The following USP48 variants were observed in gnomAD, a reference collection of about 807,000 sequenced individuals.
USP48 encodes the protein ubiquitin carboxyl-terminal hydrolase 48.
USP48 carries 43 observed loss-of-function variants against 150.7 expected under a neutral mutation model. The ratio of observed to expected loss-of-function variants is 0.29; its 90% CI spans 0.22 to 0.37. USP48 has a LOEUF of 0.37. Ranked by LOEUF, USP48 falls within the 10% of genes least tolerant of loss-of-function variation. USP48 has a pLI of 1.00. For synonymous variants in USP48, 396 were observed against 425.9 expected, an observed-to-expected ratio of 0.93 and a Z score of 0.86; for missense variants, 813 against 1,249.6, an observed-to-expected ratio of 0.65 and a Z score of 5.27.
At chr1:21,706,089 GT>G in intron 18 of USP48, 36 bp downstream of exon 18, 1 of 1,599,196 alleles carries the variant, frequency 6.3e-7, no homozygotes, top group Non-Finnish European at 8.6e-7. Flanking sequence ...AACCAAATCA[GT>G]AACAATAAAG....
chr1:21,724,136 A>G (rs572396307), intron 11 of USP48, 41 bp from the exon 12 acceptor site: 1 of 1,591,520 alleles, frequency 6.3e-7, no homozygotes, highest in Admixed American at 1.7e-5. Context: ...GTATTTTTAC[A>G]GTTTTTTGAC....
At chr1:21,686,337 T>C (rs1014655841) in intron 25 of USP48, 2 of 152,220 alleles carry the variant, frequency 1.3e-5, no homozygotes, top group African/African-American at 4.8e-5. Flanking sequence ...ATATGGCCTT[T>C]ATTATATTGA....
chr1:21,718,858 C>T (rs1407035201), intron 14 of USP48, among the ~76,000 whole-genome samples: 1 of 151,708 alleles, frequency 6.6e-6, no homozygotes, highest in Non-Finnish European at 1.5e-5. Context: ...ATATTTAACA[C>T]TAAGTCACAT....
intron 1 of USP48, among the ~76,000 whole-genome samples, chr1:21,765,901 C>CAAAAAAAAAAAAAAAAAAAAAA (rs199539331): frequency 1.8e-5 from 2 of 112,152 alleles, no homozygotes; most frequent in East Asian, 2.4e-4. Context: ...ACTCCATCTC[C>CAAAAAAAAAAAAAAAAAAAAAA]AAAAAAAAAA....
At chr1:21,680,610 C>T (rs1056443028) in intron 26 of USP48, among the ~76,000 whole-genome samples, 198 bp downstream of exon 26, 12 of 152,212 alleles carry the variant, frequency 7.9e-5, no homozygotes, top group African/African-American at 2.9e-4. Context: ...AAAGCCCCAG[C>T]TGAGGCCCCA....
intron 15 of USP48, among the ~76,000 whole-genome samples, chr1:21,714,742 T>G (rs958556790): frequency 3.3e-5 from 5 of 152,200 alleles, no homozygotes; most frequent in Non-Finnish European, 7.3e-5. Flanking sequence ...CAAGACCAAG[T>G]AAAGAAATAC....
chr1:21,705,961 C>G (rs764428932), intron 18 of USP48, 124 bp from the exon 19 acceptor site: 73 of 1,015,964 alleles, frequency 7.2e-5, no homozygotes, highest in Non-Finnish European at 9.5e-5. Flanking sequence ...CAATGTGTTT[C>G]TTAGGCTTAT....
chr1:21,700,936 A>G (rs1047375147), intron 22 of USP48, among the ~76,000 whole-genome samples: 8 of 151,846 alleles, frequency 5.3e-5, no homozygotes, highest in Non-Finnish European at 8.8e-5. Context: ...GTGGTGGCGC[A>G]TGCCTGTAAT....
intron 6 of USP48, among the ~76,000 whole-genome samples, chr1:21,750,733 T>A (rs924613949): frequency 1.3e-5 from 2 of 151,838 alleles, no homozygotes; most frequent in Admixed American, 6.6e-5. Flanking sequence ...ACAAAAAAAA[T>A]TAGCCAGGTA....
chr1:21,741,507 A>G (rs945190997), intron 8 of USP48, among the ~76,000 whole-genome samples: 1 of 152,260 alleles, frequency 6.6e-6, no homozygotes, highest in African/African-American at 2.4e-5. Flanking sequence ...TCTTTCACCC[A>G]CAGACCCTTA....
At chr1:21,736,302 C>T in intron 9 of USP48, 144 bp downstream of exon 9, 1 of 833,560 alleles carries the variant, frequency 1.2e-6, no homozygotes, top group Non-Finnish European at 1.8e-6. Context: ...ACAAGATGTT[C>T]AGTGATTTTA....
At chr1:21,724,339 G>C in intron 11 of USP48, 1 of 598,280 alleles carries the variant, frequency 1.7e-6, no homozygotes. Flanking sequence ...AGATCGGCTG[G>C]TATTATTAAC....
intron 1 of USP48, among the ~76,000 whole-genome samples, chr1:21,760,738 A>C (rs1181288322): frequency 2.6e-5 from 4 of 151,830 alleles, no homozygotes; most frequent in African/African-American, 9.7e-5. Flanking sequence ...AAATAAAAAT[A>C]AATTTAAAAA....
Position 21,783,126 on chromosome 1 carries a change from C to G in USP48, c.-169G>C, listed in dbSNP as rs573785703. 2 of 1,050,272 alleles carry G rather than the reference C, an allele frequency of 1.9e-6. No homozygotes were observed. The highest frequency in any genetic ancestry group is 2.5e-6 in the Non-Finnish European group (2 of 796,780). 65.1% of individuals were successfully genotyped at this position (1,050,272 alleles called of 1,614,324 possible). A position where few individuals can be genotyped will look rare whatever the true frequency, so the allele number is the denominator to read the frequency against. On this transcript the variant is annotated 5_prime_UTR_variant, in exon 1 of 27. Coordinates refer to ENST00000308271, the MANE Select transcript of USP48 (RefSeq NM_032236.8). ...GCGCCACTGCCGCCGCGCCCGCCCG[C>G]GCCCGACCCGCACGACCGGCCGCAA...
intron 11 of USP48, chr1:21,724,782 A>T (rs188031912): frequency 1.3e-5 from 2 of 152,340 alleles, no homozygotes; most frequent in East Asian, 3.9e-4. Context: ...CTGAGTCATC[A>T]ATTTTGAAGT....
intron 1 of USP48, among the ~76,000 whole-genome samples, chr1:21,765,720 G>A (rs1241396239): frequency 6.6e-6 from 1 of 151,876 alleles, no homozygotes; most frequent in Non-Finnish European, 1.5e-5. Context: ...GGAAGATGAG[G>A]TCTTAAAAAG....
chr1:21,708,900 AAAGAAAGAAAAGAAAAG>A (rs1420829301), intron 15 of USP48, among the ~76,000 whole-genome samples: 1 of 58,984 alleles, frequency 1.7e-5, no homozygotes, highest in Non-Finnish European at 5.2e-5. Context: ...AAAAAAAAAA[AAAGAAAGAAAAGAAAAG>A]AAAAGAAAAG....
chr1:21,708,891 AAAAAAAAAAAAGAAAGAAAAG>A lies in USP48; in HGVS notation c.1964-2044_1964-2024del, dbSNP rs1336713827. On this transcript the variant is annotated intron_variant, in intron 15 of 26. Coordinates refer to ENST00000308271, the MANE Select transcript of USP48 (RefSeq NM_032236.8). ...CAGAGCAAGACTCCGTCTCAAAAAA[AAAAAAAAAAAAGAAAGAAAAG>A]AAAAGAAAAGAAAAGAAAACAGAGT... is the stretch of plus-strand genomic sequence containing the variant. 8.7e-5 allele frequency among the ~76,000 whole-genome samples: 5 copies of A among 57,584 alleles called. No individual in the cohort carries two copies. In the Admixed American group the frequency reaches 1.0e-3, roughly 12 times the overall value. 37.8% of individuals were successfully genotyped at this position (57,584 alleles called of 152,430 possible). A position where few individuals can be genotyped will look rare whatever the true frequency, so the allele number is the denominator to read the frequency against.
chr1:21,695,334 T>G (rs112580287), intron 22 of USP48, 113 bp from the exon 23 acceptor site: 2 of 1,157,176 alleles, frequency 1.7e-6, no homozygotes, highest in Non-Finnish European at 2.4e-6. Context: ...CCTTAACTAT[T>G]TGAAATTCAA....
Sources: gnomAD v4.1 joint callset for allele counts (sites outside exome capture counted in the v4.1 genomes callset) on GRCh38, gnomAD v4.1.1 for gene constraint, MANE v1.5 for transcripts, NCBI Gene and HGNC (gene_info 2026-07-23, HGNC 2026-07-21) for gene names.